Variants in ETV2 observed in about 807,000 individuals in gnomAD.
The protein encoded by ETV2 is ETS variant transcription factor 2, also known as ETS translocation variant 2.
Under a neutral mutation model 35.7 loss-of-function variants are expected in ETV2, and 34 were observed. The observed-to-expected ratio is 0.95, with a 90% confidence interval of 0.72 to 1.27. The LOEUF (loss-of-function observed/expected upper bound fraction) is 1.27, where lower values mean the gene tolerates loss of function less well. ETV2 is among the 50% of genes most tolerant of loss of function. ETV2 has a pLI of 0.00. For synonymous variants in ETV2, 207 were observed against 203.9 expected (o/e 1.02, Z -0.13); for missense variants, 512 against 470.5 (o/e 1.09, Z -0.82).
rs766418135 is a variant in ETV2, at chr19:35,643,644, C to G, written c.606C>G (p.Gly202=). 1 of 1,613,656 alleles carries G rather than the reference C, an allele frequency of 6.2e-7. No homozygotes were observed. Among genetic ancestry groups the G allele is most frequent in the Admixed American group, 1.7e-5 (1 of 60,012 alleles). Residue 202 remains glycine, a synonymous_variant, in exon 5 of 7, where the codon GGC becomes GGG. Transcript: ENST00000402764. The surrounding 1 kb of genome is among the most constrained non-coding windows in gnomAD (Gnocchi z 5.0). ...GGAACCCGGGGCTGCATGCGGGTGGCACCACCTCTTTGAAGCGGTACCAGA... is the reference window on the plus strand; with the variant it reads ...GGAACCCGGGGCTGCATGCGGGTGGGACCACCTCTTTGAAGCGGTACCAGA... ...TSWNPGLHAG[G]TTSLKRYQSS...
At position 35,642,979 on chromosome 19, in the gene ETV2, C is replaced by T. The variant is rs1460304454; in HGVS notation, c.169C>T (p.Leu57=). The T allele has an allele frequency of 6.4e-7, 1 of 1,572,396 alleles. No homozygotes were observed. The highest frequency in any genetic ancestry group is 1.2e-5 in the South Asian group (1 of 85,904). Residue 57 remains leucine (L), a synonymous_variant, in exon 4 of 7, where the codon CTG becomes TTG. Coordinates refer to ENST00000402764, the MANE Select transcript of ETV2 (RefSeq NM_014209.4). This position sits in a 1 kb window ranked among gnomAD's most constrained non-coding sequence, Gnocchi z 4.4. The stretch of plus-strand genomic sequence containing the variant: ...CCTAAACTCAGGTACAAGCTCATCC[C>T]TGGCAAGCTTCCCACAGCTGGACTG... ...ETCWKGTSSS[L]ASFPQLDWGS...
At position 35,643,476 on chromosome 19, in the gene ETV2, G is replaced by T. The variant is rs1265580479; in HGVS notation, c.438G>T (p.Gln146His). ...AGGCCACCTCGTGGTCGCGCGCCCA[G>T]GCCGCCGGGAGCAACACCAGCTGGG... is the stretch of plus-strand genomic sequence containing the variant. ...AGEATSWSRA[Q>H]AAGSNTSWDC... Residue 146 changes from glutamine (Q) to histidine (H), a missense_variant, in exon 5 of 7, where the codon CAG (glutamine) becomes CAT (histidine). By Grantham distance (24) the Gln-to-His change is conservative. Coordinates refer to ENST00000402764, the MANE Select transcript of ETV2 (RefSeq NM_014209.4). This position sits in a 1 kb window ranked among gnomAD's most constrained non-coding sequence, Gnocchi z 5.0. 6.5e-7 allele frequency: 1 copy of T among 1,548,130 alleles called. No individual in the cohort carries two copies. The highest frequency in any genetic ancestry group is 2.0e-5 in the Admixed American group (1 of 50,786).
At position 35,643,527 on chromosome 19, in the gene ETV2, T is replaced by C. The variant is rs1335055292; in HGVS notation, c.489T>C (p.Asp163=). 5 of 1,550,484 alleles carry C rather than the reference T, an allele frequency of 3.2e-6. No individual in the cohort carries two copies. The highest frequency in any genetic ancestry group is 4.0e-5 in the Admixed American group (2 of 50,396). The change falls in exon 5 of 7, where the codon GAT becomes GAC. Residue 163 remains aspartate, a synonymous_variant. Transcript: ENST00000402764. This position sits in a 1 kb window ranked among gnomAD's most constrained non-coding sequence, Gnocchi z 5.0. ...SWDCSVGPDG[D]TYWGSGLGGE... is the part of the protein sequence containing the mutation. ...ACTGTTCTGTGGGGCCCGACGGCGA[T>C]ACCTACTGGGGCAGTGGCCTGGGCG...
At position 35,642,670 on chromosome 19, in the gene ETV2, G is replaced by A; in HGVS notation, c.126G>A (p.Pro42=). Residue 42 remains proline (P), a synonymous_variant, in exon 3 of 7, where the codon CCG becomes CCA. Coordinates refer to ENST00000402764, the MANE Select transcript of ETV2 (RefSeq NM_014209.4). The surrounding 1 kb of genome is among the most constrained non-coding windows in gnomAD (Gnocchi z 4.4). The stretch of plus-strand genomic sequence containing the variant: ...ATCTGGCACTCCAAGGGGACACGCC[G>A]ACAGCGACAGCAGAGACATGCTGGA... The part of the protein sequence containing the change: ...FPDLALQGDT[P]TATAETCWKG... 1.2e-6 allele frequency: 2 copies of A among 1,603,116 alleles called. No individual in the cohort carries two copies. Among genetic ancestry groups the A allele is most frequent in the Non-Finnish European group, 1.7e-6 (2 of 1,174,948 alleles).
chr19:35,643,524 C>T lies in ETV2; in HGVS notation c.486C>T (p.Gly162=). The part of the protein sequence containing the change: ...TSWDCSVGPD[G]DTYWGSGLGG... ...GGGACTGTTCTGTGGGGCCCGACGG[C>T]GATACCTACTGGGGCAGTGGCCTGG... Residue 162 remains glycine (G), a synonymous_variant, in exon 5 of 7, where the codon GGC becomes GGT. Transcript: ENST00000402764. This position sits in a 1 kb window ranked among gnomAD's most constrained non-coding sequence, Gnocchi z 5.0. 3 of 1,550,268 alleles carry T rather than the reference C, an allele frequency of 1.9e-6. No individual in the cohort carries two copies. Among genetic ancestry groups the T allele is most frequent in the East Asian group, 4.9e-5 (2 of 40,854 alleles).
At position 35,643,352 on chromosome 19, in the gene ETV2, C is replaced by T. The variant is rs1412151558; in HGVS notation, c.314C>T (p.Ala105Val). 2 of 1,586,782 alleles carry T rather than the reference C, an allele frequency of 1.3e-6. No individual in the cohort carries two copies. Among genetic ancestry groups the T allele is most frequent in the Non-Finnish European group, 1.7e-6 (2 of 1,168,266 alleles). ...ACAGCCTGGGACTCTTGGAGCGGCG[C>T]CTCGCAGACCCTGGGCCCCGCCCCT... ...ACTAWDSWSG[A>V]SQTLGPAPLG... Residue 105 changes from alanine (A) to valine (V), a missense_variant, in exon 5 of 7, where the codon GCC becomes GTC. Transcript: ENST00000402764. This position sits in a 1 kb window ranked among gnomAD's most constrained non-coding sequence, Gnocchi z 5.0.
At position 35,642,608 on chromosome 19, in the gene ETV2, C is replaced by G; in HGVS notation, c.71-7C>G. On this transcript the variant is annotated splice_region_variant and splice_polypyrimidine_tract_variant and intron_variant, in intron 2 of 6. Coordinates refer to ENST00000402764, the MANE Select transcript of ETV2 (RefSeq NM_014209.4). The surrounding 1 kb of genome is among the most constrained non-coding windows in gnomAD (Gnocchi z 4.4). The stretch of plus-strand genomic sequence containing the variant: ...CTCTGCTGACCCTAACCCCTTATCG[C>G]CTGCAGAAGGAGCCAAATTAGGCTT... 1.2e-6 allele frequency: 2 copies of G among 1,611,052 alleles called. No homozygotes were observed. The highest frequency in any genetic ancestry group is 1.7e-6 in the Non-Finnish European group (2 of 1,178,668).
rs779306461 is a variant in ETV2, at chr19:35,642,938, A to G, written c.155-27A>G. 7 of 1,439,540 alleles carry G rather than the reference A, an allele frequency of 4.9e-6. No individual in the cohort carries two copies. The highest frequency in any genetic ancestry group is 1.4e-5 in the African/African-American group (1 of 71,052). The allele number at this position is 1,439,540 out of a possible 1,614,324, so 89.2% of individuals were successfully genotyped here. On this transcript the variant is annotated intron_variant, in intron 3 of 6. Coordinates refer to ENST00000402764, the MANE Select transcript of ETV2 (RefSeq NM_014209.4). This position sits in a 1 kb window ranked among gnomAD's most constrained non-coding sequence, Gnocchi z 4.4. ...AGTGGGTAGTTGAGGGGTCTCTTTCATTGCTCACAGTCCTCCCTAAACTCA... is the reference window on the plus strand; with the variant it reads ...AGTGGGTAGTTGAGGGGTCTCTTTCGTTGCTCACAGTCCTCCCTAAACTCA...
Position 35,643,178 on chromosome 19 carries a change from A to G in ETV2, c.236-96A>G. On this transcript the variant is annotated intron_variant, in intron 4 of 6. Coordinates refer to ENST00000402764, the MANE Select transcript of ETV2 (RefSeq NM_014209.4). The surrounding 1 kb of genome is among the most constrained non-coding windows in gnomAD (Gnocchi z 5.0). ...AGGTGGCATGACCTGGATCCGGGTC[A>G]GCCGGGCCCCAAGTGCCAGGGTTGA... 2.7e-6 allele frequency: 4 copies of G among 1,498,564 alleles called. No individual in the cohort carries two copies. The highest frequency in any genetic ancestry group is 3.6e-6 in the Non-Finnish European group (4 of 1,116,802). 92.8% of individuals were successfully genotyped at this position (1,498,564 alleles called of 1,614,324 possible). A position where few individuals can be genotyped will look rare whatever the true frequency, so the allele number is the denominator to read the frequency against.
In ETV2 at chr19:35,644,283, C is replaced by A; in HGVS notation, c.764C>A (p.Ala255Glu). The A allele has an allele frequency of 6.4e-7, 1 of 1,560,988 alleles. No homozygotes were observed. The highest frequency in any genetic ancestry group is 1.4e-5 in the African/African-American group (1 of 73,560). ...QFLLELLHDG[A>E]RSSCIRWTGN... ...CTCCTGGAGCTGCTCCACGACGGGG[C>A]GCGTAGCAGCTGCATCCGTTGGACT... Residue 255 changes from alanine to glutamate, a missense_variant, in exon 6 of 7, where the codon GCG becomes GAG. Ala to Glu is a moderately radical substitution (Grantham distance 107, BLOSUM62 -1). Transcript: ENST00000402764. This position sits in a 1 kb window ranked among gnomAD's most constrained non-coding sequence, Gnocchi z 4.7.
In ETV2 at chr19:35,643,599, C is replaced by T; in HGVS notation, c.561C>T (p.Gly187=). 2 of 1,601,520 alleles carry T rather than the reference C, an allele frequency of 1.2e-6. No homozygotes were observed. ...DCTISWGGPA[G]PDCTTSWNPG... is the part of the protein sequence containing the mutation. ...CCATTTCGTGGGGCGGGCCCGCGGG[C>T]CCGGACTGTACCACCTCCTGGAACC... Residue 187 remains glycine (G), a synonymous_variant, in exon 5 of 7, where the codon GGC becomes GGT. Coordinates refer to ENST00000402764, the MANE Select transcript of ETV2 (RefSeq NM_014209.4). The surrounding 1 kb of genome is among the most constrained non-coding windows in gnomAD (Gnocchi z 5.0).
At position 35,644,731 on chromosome 19, in the gene ETV2, A is replaced by G. The variant is rs758253596; in HGVS notation, c.908A>G (p.Tyr303Cys). Residue 303 changes from tyrosine to cysteine, a missense_variant, in exon 7 of 7, where the codon TAT (tyrosine) becomes TGT (cysteine). Physicochemically the swap from Tyr to Cys is radical, Grantham distance 194. Transcript: ENST00000402764. This position sits in a 1 kb window ranked among gnomAD's most constrained non-coding sequence, Gnocchi z 4.7. Reference sequence around the variant, plus strand: ...CTGAGCCGGGGCCTTCGCTACTACTATCGCCGCGACATCGTGCGCAAGAGC... The same window carrying G: ...CTGAGCCGGGGCCTTCGCTACTACTGTCGCCGCGACATCGTGCGCAAGAGC... ...EKLSRGLRYYYRRDIVRKSGG... is the reference protein window; with the variant it reads ...EKLSRGLRYYCRRDIVRKSGG... The G allele has an allele frequency of 5.6e-6, 9 of 1,608,298 alleles. No individual in the cohort carries two copies. The highest frequency in any genetic ancestry group is 1.3e-5 in the African/African-American group (1 of 74,838).
chr19:35,642,689 T>C lies in ETV2; in HGVS notation c.145T>C (p.Cys49Arg). Reference sequence around the variant, plus strand: ...CACGCCGACAGCGACAGCAGAGACATGCTGGAAAGGTGGCTGCGGGCTGGG... The same window carrying C: ...CACGCCGACAGCGACAGCAGAGACACGCTGGAAAGGTGGCTGCGGGCTGGG... Reference protein sequence around the residue: ...GDTPTATAETCWKGTSSSLAS... With the variant: ...GDTPTATAETRWKGTSSSLAS... Residue 49 changes from cysteine (C) to arginine (R), a missense_variant, in exon 3 of 7, where the codon TGC (cysteine) becomes CGC (arginine). Physicochemically the swap from Cys to Arg is radical, Grantham distance 180. Transcript: ENST00000402764. The surrounding 1 kb of genome is among the most constrained non-coding windows in gnomAD (Gnocchi z 4.4). 1 of 1,598,206 alleles carries C rather than the reference T, an allele frequency of 6.3e-7. No homozygotes were observed. The highest frequency in any genetic ancestry group is 1.1e-5 in the South Asian group (1 of 88,692).
Position 35,642,658 on chromosome 19 carries a change from A to G in ETV2, c.114A>G (p.Gln38=), listed in dbSNP as rs1386439017. The G allele has an allele frequency of 6.2e-7, 1 of 1,606,170 alleles. No homozygotes were observed. Among genetic ancestry groups the G allele is most frequent in the East Asian group, 2.2e-5 (1 of 44,646 alleles). Residue 38 remains glutamine, a synonymous_variant, in exon 3 of 7, where the codon CAA becomes CAG. Coordinates refer to ENST00000402764, the MANE Select transcript of ETV2 (RefSeq NM_014209.4). The surrounding 1 kb of genome is among the most constrained non-coding windows in gnomAD (Gnocchi z 4.4). ...LGFCFPDLAL[Q]GDTPTATAET... ...TCTGTTTCCCTGATCTGGCACTCCAAGGGGACACGCCGACAGCGACAGCAG... is the reference window on the plus strand; with the variant it reads ...TCTGTTTCCCTGATCTGGCACTCCAGGGGGACACGCCGACAGCGACAGCAG...
At position 35,644,743 on chromosome 19, in the gene ETV2, T is replaced by G. The variant is rs369756635; in HGVS notation, c.920T>G (p.Ile307Ser). ...RGLRYYYRRDIVRKSGGRKYT... is the reference protein window; with the variant it reads ...RGLRYYYRRDSVRKSGGRKYT... ...CTTCGCTACTACTATCGCCGCGACA[T>G]CGTGCGCAAGAGCGGGGGGCGAAAG... Residue 307 changes from isoleucine (I) to serine (S), a missense_variant, in exon 7 of 7, where the codon ATC (isoleucine) becomes AGC (serine). Physicochemically the swap from Ile to Ser is moderately radical, Grantham distance 142 (BLOSUM62 -2). Coordinates refer to ENST00000402764, the MANE Select transcript of ETV2 (RefSeq NM_014209.4). This position sits in a 1 kb window ranked among gnomAD's most constrained non-coding sequence, Gnocchi z 4.7. The G allele has an allele frequency of 9.3e-6, 15 of 1,609,936 alleles. No individual in the cohort carries two copies. The highest frequency in any genetic ancestry group is 1.3e-5 in the African/African-American group (1 of 75,010).
chr19:35,644,234 G>C lies in ETV2; in HGVS notation c.716-1G>C. ...AGTGTGCCCCTCCCTTCATCCCGCA[G>C]GTCCCATTCAGCTGTGGCAGTTCCT... On this transcript the variant is annotated splice_acceptor_variant, in intron 5 of 6. Coordinates refer to ENST00000402764, the MANE Select transcript of ETV2 (RefSeq NM_014209.4). LOFTEE classifies it high-confidence loss of function. This position sits in a 1 kb window ranked among gnomAD's most constrained non-coding sequence, Gnocchi z 4.7. 6.4e-7 allele frequency: 1 copy of C among 1,551,956 alleles called. No homozygotes were observed.
At position 35,642,749 on chromosome 19, in the gene ETV2, G is replaced by T; in HGVS notation, c.154+51G>T. 1 of 1,435,474 alleles carries T rather than the reference G, an allele frequency of 7.0e-7. No individual in the cohort carries two copies. The highest frequency in any genetic ancestry group is 1.2e-5 in the South Asian group (1 of 80,484). 88.9% of individuals were successfully genotyped at this position (1,435,474 alleles called of 1,614,324 possible). A position where few individuals can be genotyped will look rare whatever the true frequency, so the allele number is the denominator to read the frequency against. ...TGCTGGAGAAGAAGCGGGGAGGCTG[G>T]GATCCTAGGGCAAAGGGAGGAGGGG... On this transcript the variant is annotated intron_variant, in intron 3 of 6. Coordinates refer to ENST00000402764, the MANE Select transcript of ETV2 (RefSeq NM_014209.4). This position sits in a 1 kb window ranked among gnomAD's most constrained non-coding sequence, Gnocchi z 4.4.
rs1000249590 is a variant in ETV2 at position 35,644,869 on chromosome 19, C to G, written c.*17C>G. 1 of 1,570,236 alleles carries G rather than the reference C, an allele frequency of 6.4e-7. No individual in the cohort carries two copies. Among genetic ancestry groups the G allele is most frequent in the Non-Finnish European group, 8.7e-7 (1 of 1,155,800 alleles). On this transcript the variant is annotated 3_prime_UTR_variant, in exon 7 of 7. Coordinates refer to ENST00000402764, the MANE Select transcript of ETV2 (RefSeq NM_014209.4). The surrounding 1 kb of genome is among the most constrained non-coding windows in gnomAD (Gnocchi z 4.7). ...ACACAATAAAAATTCCCGGTCAAACCTCTTCGCGCGTGCTCCTCTGCAGCA... is the reference window on the plus strand; with the variant it reads ...ACACAATAAAAATTCCCGGTCAAACGTCTTCGCGCGTGCTCCTCTGCAGCA...
In ETV2 at chr19:35,643,723, T is replaced by G; in HGVS notation, c.685T>G (p.Leu229Val). 1 of 1,613,704 alleles carries G rather than the reference T, an allele frequency of 6.2e-7. No individual in the cohort carries two copies. Among genetic ancestry groups the G allele is most frequent in the South Asian group, 1.1e-5 (1 of 91,072 alleles). Reference protein sequence around the residue: ...EPSPQSDRASLARCPKTNHRG... With the variant: ...EPSPQSDRASVARCPKTNHRG... ...GAGCCCGCAGTCGGACCGTGCCAGTTTGGCTCGATGCCCCAAAACTAACCA... is the reference window on the plus strand; with the variant it reads ...GAGCCCGCAGTCGGACCGTGCCAGTGTGGCTCGATGCCCCAAAACTAACCA... Residue 229 changes from leucine to valine, a missense_variant, in exon 5 of 7, where the codon TTG (leucine) becomes GTG (valine). Physicochemically the swap from Leu to Val is conservative, Grantham distance 32. Coordinates refer to ENST00000402764, the MANE Select transcript of ETV2 (RefSeq NM_014209.4). This position sits in a 1 kb window ranked among gnomAD's most constrained non-coding sequence, Gnocchi z 5.0.
Sources: allele counts gnomAD v4.1 joint callset, GRCh38; gene constraint gnomAD v4.1.1; non-coding constraint Gnocchi (gnomAD v3.1); transcripts MANE v1.5; gene names NCBI Gene and HGNC (gene_info 2026-07-23, HGNC 2026-07-21).